Variants in APAF1 observed in about 807,000 individuals in gnomAD.
APAF1 encodes apoptotic peptidase activating factor 1.
A neutral mutation model predicts 152.4 loss-of-function variants in APAF1; 91 were observed. The ratio of observed to expected loss-of-function variants is 0.60; its 90% confidence interval spans 0.50 to 0.71. The LOEUF (loss-of-function observed/expected upper bound fraction) is 0.71, where lower values mean the gene tolerates loss of function less well. Ranked by LOEUF, APAF1 falls within the 30% of genes least tolerant of loss-of-function variation. The pLI, the probability that APAF1 is intolerant of heterozygous loss-of-function variation, is 0.00. For missense variants in APAF1, 1,283 were observed against 1,472.0 expected, an observed-to-expected ratio of 0.87 and a Z score of 2.10; for synonymous variants, 484 against 494.1, an observed-to-expected ratio of 0.98 and a Z score of 0.27.
intron 4 of APAF1, among the ~76,000 whole-genome samples, chr12:98,656,964 T>C (rs766875043): frequency 6.6e-6 from 1 of 152,218 alleles, no homozygotes; most frequent in African/African-American, 2.4e-5. Context: ...CTTCCTCTTA[T>C]GCTCTTTGTC....
At chr12:98,710,031 G>A (rs905089678) in intron 20 of APAF1, among the ~76,000 whole-genome samples, 1 of 152,048 alleles carries the variant, frequency 6.6e-6, no homozygotes, top group Non-Finnish European at 1.5e-5. Context: ...GTGCTACCAC[G>A]CATGGCTAAT....
chr12:98,659,064 T>G, intron 4 of APAF1, 96 bp from the exon 5 acceptor site: 1 of 1,190,460 alleles, frequency 8.4e-7, no homozygotes, highest in Non-Finnish European at 1.2e-6. Flanking sequence ...TGTGATGGGA[T>G]TGTAAATTGG....
At position 98,665,773 on chromosome 12, in the gene APAF1, C is replaced by T. The variant is rs1188014151; in HGVS notation, c.1176C>T (p.Asp392=). 6.8e-6 allele frequency: 11 copies of T among 1,612,262 alleles called. No individual in the cohort carries two copies. Among genetic ancestry groups the T allele is most frequent in the Admixed American group, 5.0e-5 (3 of 59,984 alleles). ...CAGATCTTTCCATCCTTCAGAAGGACGTTAAGGTGCCTACAAAGGTAATGG... is the reference window on the plus strand; with the variant it reads ...CAGATCTTTCCATCCTTCAGAAGGATGTTAAGGTGCCTACAAAGGTAATGG... ...YYTDLSILQK[D]VKVPTKVLCI... is the part of the protein sequence containing the mutation. Residue 392 remains aspartate, a synonymous_variant, in exon 8 of 27, where the codon GAC becomes GAT. Transcript: ENST00000551964.
intron 1 of APAF1, among the ~76,000 whole-genome samples, chr12:98,646,742 T>A (rs2097641148): frequency 6.6e-6 from 1 of 152,242 alleles, no homozygotes; most frequent in African/African-American, 2.4e-5. Context: ...TTTTGAAAAC[T>A]TGCAGATATT....
At chr12:98,693,258 A>ATT (rs577019185) in intron 16 of APAF1, among the ~76,000 whole-genome samples, 1 of 146,978 alleles carries the variant, frequency 6.8e-6, no homozygotes, top group African/African-American at 2.5e-5. Context: ...AATGCTGCTG[A>ATT]TTTTTTTTTT....
chr12:98,705,663 G>A (rs1412715616), intron 18 of APAF1, among the ~76,000 whole-genome samples: 1 of 152,150 alleles, frequency 6.6e-6, no homozygotes, highest in African/African-American at 2.4e-5. Flanking sequence ...CAGAACCCAG[G>A]ATAAAATACC....
rs1320385799 is a variant in APAF1 at position 98,648,314 on chromosome 12, TG to T, written c.-41-4del. 2 of 1,612,384 alleles carry T rather than the reference TG, an allele frequency of 1.2e-6. No homozygotes were observed. The highest frequency in any genetic ancestry group is 2.2e-5 in the South Asian group (2 of 90,816). On this transcript the variant is annotated splice_region_variant and splice_polypyrimidine_tract_variant and intron_variant, in intron 1 of 26. Transcript: ENST00000551964. ...CTGACAAATATTTTGGTGTTTTGGC[TG>T]TAGCTCATGGTTGACAGCTCAGAGA...
Position 98,648,350 on chromosome 12 carries a change from C to G in APAF1, c.-10C>G, listed in dbSNP as rs774480986. On this transcript the variant is annotated 5_prime_UTR_variant, in exon 2 of 27. In the 5' UTR this introduces an upstream ATG that the reference lacks. Coordinates refer to ENST00000551964, the MANE Select transcript of APAF1 (RefSeq NM_181861.2). ...GTTGACAGCTCAGAGAGAGAAAGAT[C>G]TGAGGGAAGATGGATGCAAAAGCTC... 6.2e-7 allele frequency: 1 copy of G among 1,613,910 alleles called. No homozygotes were observed. Among genetic ancestry groups the G allele is most frequent in the South Asian group, 1.1e-5 (1 of 91,046 alleles).
intron 4 of APAF1, among the ~76,000 whole-genome samples, chr12:98,650,486 C>CA (rs1408111725): frequency 6.7e-6 from 1 of 148,830 alleles, no homozygotes. Flanking sequence ...GACTCCATCT[C>CA]AAAAAAAAGT....
At chr12:98,692,971 T>C (rs2097705894) in intron 16 of APAF1, among the ~76,000 whole-genome samples, 1 of 152,178 alleles carries the variant, frequency 6.6e-6, no homozygotes. Flanking sequence ...TCCAAACTGC[T>C]TTACAAAGTC....
chr12:98,665,324 G>GT (rs906143212), intron 7 of APAF1, among the ~76,000 whole-genome samples: 1 of 112,786 alleles, frequency 8.9e-6, no homozygotes, highest in Non-Finnish European at 1.8e-5. Flanking sequence ...TTTGATCTAT[G>GT]TTATTTTGAC....
chr12:98,712,199 G>T, intron 20 of APAF1, 120 bp from the exon 21 acceptor site: 1 of 707,318 alleles, frequency 1.4e-6, no homozygotes, highest in Non-Finnish European at 2.6e-6. Context: ...TTGTTCCCCT[G>T]AGAGCTCTTG....
chr12:98,725,675 T>C, intron 25 of APAF1, 135 bp downstream of exon 25: 1 of 1,218,072 alleles, frequency 8.2e-7, no homozygotes, highest in Non-Finnish European at 1.2e-6. Flanking sequence ...TCTTTTTGTT[T>C]CTTGTGCACA....
chr12:98,724,797 T>C (rs2097748081), intron 24 of APAF1, among the ~76,000 whole-genome samples: 1 of 152,238 alleles, frequency 6.6e-6, no homozygotes, highest in African/African-American at 2.4e-5. Context: ...TTTATCTTCT[T>C]GTACCACTAG....
chr12:98,648,903 T>C (rs1471551932), intron 3 of APAF1, 88 bp downstream of exon 3: 2 of 1,265,188 alleles, frequency 1.6e-6, no homozygotes, highest in African/African-American at 1.5e-5. Context: ...GAAGAGAGTG[T>C]GACCAGTTCA....
At chr12:98,680,197 C>A in intron 13 of APAF1, 80 bp from the exon 14 acceptor site, 2 of 1,425,636 alleles carry the variant, frequency 1.4e-6, no homozygotes, top group Non-Finnish European at 1.9e-6. Flanking sequence ...AATGATTAAA[C>A]TCACTTAAAG....
intron 16 of APAF1, among the ~76,000 whole-genome samples, chr12:98,688,485 T>G (rs2097700403): frequency 6.7e-6 from 1 of 150,198 alleles, no homozygotes; most frequent in Admixed American, 6.6e-5. Flanking sequence ...TTTTTTTTTT[T>G]TTTGGAGACA....
intron 22 of APAF1, among the ~76,000 whole-genome samples, chr12:98,722,546 C>T (rs1325343694): frequency 6.6e-6 from 1 of 152,172 alleles, no homozygotes; most frequent in East Asian, 1.9e-4. Context: ...CTGTGTACCT[C>T]TGTGTCTCAG....
intron 4 of APAF1, among the ~76,000 whole-genome samples, chr12:98,655,198 G>C (rs1393764429): frequency 7.3e-6 from 1 of 137,582 alleles, no homozygotes; most frequent in East Asian, 2.1e-4. Context: ...TCTTAGTGCA[G>C]AACAAAATGA....
Sources: gnomAD v4.1 joint callset for allele counts (sites outside exome capture counted in the v4.1 genomes callset) on GRCh38, gnomAD v4.1.1 for gene constraint, MANE v1.5 for transcripts, NCBI Gene and HGNC (gene_info 2026-07-23, HGNC 2026-07-21) for gene names.